KIAA1671: variants seen among roughly 807,000 people sequenced by gnomAD.
The protein encoded by KIAA1671 is KIAA1671, also known as uncharacterized protein KIAA1671.
KIAA1671 carries 52 observed loss-of-function variants against 131.2 expected under a neutral mutation model. That is an observed-to-expected ratio of 0.40 (90% CI 0.32 to 0.50). The LOEUF (loss-of-function observed/expected upper bound fraction) is 0.50. Ranked by LOEUF, KIAA1671 falls within the 20% of genes least tolerant of loss-of-function variation. The probability of loss-of-function intolerance (pLI) is 0.73; values close to 1 mark genes in which losing one functional copy is unlikely to be tolerated. For missense variants in KIAA1671, 2,360 were observed against 2,364.2 expected, an observed-to-expected ratio of 1.00 and a Z score of 0.04; for synonymous variants, 1,003 against 961.6, an observed-to-expected ratio of 1.04 and a Z score of -0.80.
chr22:25,197,153 C>T lies in KIAA1671; in HGVS notation c.*4752C>T, dbSNP rs148774444. Reference sequence around the variant, plus strand: ...CTAGGAGTTCTGAACGGAAGGCAGACGAGAGGCACTTTATCCAGTCCCAGA... The same window carrying T: ...CTAGGAGTTCTGAACGGAAGGCAGATGAGAGGCACTTTATCCAGTCCCAGA... On this transcript the variant is annotated 3_prime_UTR_variant, in exon 13 of 13. Coordinates refer to ENST00000358431, the MANE Select transcript of KIAA1671 (RefSeq NM_001145206.2). 4.6e-5 allele frequency: 7 copies of T among 152,132 alleles called. No individual in the cohort carries two copies. The highest frequency in any genetic ancestry group is 9.7e-5 in the African/African-American group (4 of 41,422). The allele number at this position is 152,132 out of a possible 1,614,324, so 9.4% of individuals were successfully genotyped here.
chr22:24,972,420 TCATC>T (rs905997311), intron 1 of KIAA1671, among the ~76,000 whole-genome samples: 8 of 152,176 alleles, frequency 5.3e-5, no homozygotes, highest in Non-Finnish European at 1.0e-4. Flanking sequence ...CATTTTGTAT[TCATC>T]CATCCACCTA....
chr22:25,154,636 A>G (rs1038671278), intron 6 of KIAA1671, among the ~76,000 whole-genome samples: 2 of 152,230 alleles, frequency 1.3e-5, no homozygotes, highest in Admixed American at 6.5e-5. Flanking sequence ...GCTCTGTCTC[A>G]GGCAATGGAA....
chr22:25,000,212 G>A (rs1289916367), intron 1 of KIAA1671, among the ~76,000 whole-genome samples: 6 of 2,198 alleles, frequency 2.7e-3, no homozygotes, highest in African/African-American at 0.018. Context: ...TTTTTTTTTT[G>A]AGACGGAGTC....
intron 6 of KIAA1671, among the ~76,000 whole-genome samples, chr22:25,119,516 C>T (rs1423543569): frequency 6.6e-6 from 1 of 152,224 alleles, no homozygotes; most frequent in Non-Finnish European, 1.5e-5. Flanking sequence ...AGAAAACAGG[C>T]AGGGTCTTTG....
intron 1 of KIAA1671, among the ~76,000 whole-genome samples, chr22:25,000,050 A>C (rs1924358012): frequency 6.6e-6 from 1 of 151,294 alleles, no homozygotes; most frequent in Admixed American, 6.6e-5. Flanking sequence ...ACGCCCAGCT[A>C]ATTTTTTGTA....
At chr22:25,007,202 T>C (rs1212657055) in intron 1 of KIAA1671, among the ~76,000 whole-genome samples, 2 of 152,144 alleles carry the variant, frequency 1.3e-5, no homozygotes, top group East Asian at 1.9e-4. Context: ...GGTCTGCTAG[T>C]GTTAGCCAGG....
At chr22:25,139,908 A>G (rs971161262) in intron 6 of KIAA1671, among the ~76,000 whole-genome samples, 3 of 152,228 alleles carry the variant, frequency 2.0e-5, no homozygotes, top group Admixed American at 1.3e-4. Context: ...TACTTTAGAA[A>G]GCACATGGAG....
intron 10 of KIAA1671, 115 bp from the exon 11 acceptor site, chr22:25,184,862 G>A (rs748616794): frequency 1.5e-4 from 180 of 1,201,166 alleles, no homozygotes; most frequent in African/African-American, 3.9e-4. Context: ...GGTTTATTCC[G>A]ATTCAGGGGG....
intron 6 of KIAA1671, among the ~76,000 whole-genome samples, chr22:25,075,159 A>G (rs1156522502): frequency 1.3e-5 from 2 of 152,164 alleles, no homozygotes; most frequent in Non-Finnish European, 2.9e-5. Flanking sequence ...TGCAAGGGAC[A>G]TTTGGCAATG....
At chr22:25,046,976 T>G (rs1388012988) in intron 5 of KIAA1671, among the ~76,000 whole-genome samples, 1 of 150,824 alleles carries the variant, frequency 6.6e-6, no homozygotes, top group Admixed American at 6.6e-5. Context: ...TGAGAGTTTT[T>G]TTTTTTTTTT....
At chr22:25,156,285 A>G (rs899732576) in intron 6 of KIAA1671, among the ~76,000 whole-genome samples, 5 of 151,744 alleles carry the variant, frequency 3.3e-5, no homozygotes, top group African/African-American at 1.2e-4. Flanking sequence ...TCGGCTTCCC[A>G]AAGTGCTGGG....
At chr22:25,087,174 C>T (rs556450043) in intron 6 of KIAA1671, among the ~76,000 whole-genome samples, 38 of 135,608 alleles carry the variant, frequency 2.8e-4, no homozygotes, top group African/African-American at 8.8e-4. Context: ...CCGCTGCCTC[C>T]GGGATCTTAT....
Position 25,041,359 on chromosome 22 carries a change from C to G in KIAA1671, c.4229C>G (p.Ser1410Ter). ...RVPLDIKRAY[S>*]EKGPPANIRE... ...CCGCTGGATATCAAGAGGGCCTACT[C>G]AGAGAAGGGGCCCCCTGCCAACATC... The change falls in exon 5 of 13, where the codon TCA (serine) becomes TGA (stop). Residue 1410 changes from serine (S) to a stop codon, truncating the protein, a stop_gained. Coordinates refer to ENST00000358431, the MANE Select transcript of KIAA1671 (RefSeq NM_001145206.2). LOFTEE classifies it high-confidence loss of function. 1 of 1,551,650 alleles carries G rather than the reference C, an allele frequency of 6.4e-7. No homozygotes were observed. The highest frequency in any genetic ancestry group is 1.4e-5 in the African/African-American group (1 of 73,140).
At chr22:25,179,386 G>A (rs1934179869) in intron 9 of KIAA1671, 6 of 1,608,798 alleles carry the variant, frequency 3.7e-6, no homozygotes, top group African/African-American at 1.3e-5. Context: ...AGCCGCTCGC[G>A]CAGTGCGGCC....
Position 25,144,423 on chromosome 22 carries a change from C to T in KIAA1671, c.4531-26397C>T, listed in dbSNP as rs114897671. On this transcript the variant is annotated intron_variant, in intron 6 of 12. Transcript: ENST00000358431. ...ATGCTCCTGTGATGGGGAATGTGAC[C>T]TCCTGGCTCCCAGCTCTCTGGGGGT... 5.2e-3 allele frequency among the ~76,000 whole-genome samples: 787 copies of T among 152,278 alleles called. 9 individuals are homozygous for T. Among genetic ancestry groups the T allele is most frequent in the African/African-American group, 0.018 (742 of 41,558 alleles).
intron 1 of KIAA1671, among the ~76,000 whole-genome samples, chr22:24,998,842 G>GTT (rs560129857): frequency 3.4e-5 from 5 of 145,498 alleles, no homozygotes; most frequent in African/African-American, 5.0e-5. Flanking sequence ...CTATCTGCAG[G>GTT]TTTTTTTTTT....
chr22:24,978,408 T>C (rs1319889741), intron 1 of KIAA1671, among the ~76,000 whole-genome samples: 2 of 152,186 alleles, frequency 1.3e-5, no homozygotes, highest in Admixed American at 6.5e-5. Context: ...CAATTAAACC[T>C]CTTTTTCTTC....
rs976191015 is a variant in KIAA1671 at position 25,041,197 on chromosome 22, C to T, written c.4067C>T (p.Pro1356Leu). 2.6e-6 allele frequency: 4 copies of T among 1,551,658 alleles called. No individual in the cohort carries two copies. The East Asian group carries it at 9.8e-5, about 38-fold the overall frequency. Residue 1356 changes from proline to leucine, a missense_variant, in exon 5 of 13, where the codon CCA (proline) becomes CTA (leucine). This residue lies in a region of KIAA1671 where 1,161 missense variants were observed against 1,204.7 expected (regional missense o/e 0.96). Transcript: ENST00000358431. Reference protein sequence around the residue: ...AESKPSGREDPGSGVRVSPKS... With the variant: ...AESKPSGREDLGSGVRVSPKS... Reference sequence around the variant, plus strand: ...TCAAAGCCCTCTGGTCGGGAGGATCCAGGCAGTGGGGTCAGGGTGTCACCC... The same window carrying T: ...TCAAAGCCCTCTGGTCGGGAGGATCTAGGCAGTGGGGTCAGGGTGTCACCC...
chr22:25,103,449 C>T (rs942636653), intron 6 of KIAA1671, among the ~76,000 whole-genome samples: 4 of 152,248 alleles, frequency 2.6e-5, no homozygotes, highest in African/African-American at 9.6e-5. Flanking sequence ...AGCTCCGCCT[C>T]CTAGGTTCAC....
Sources: allele counts gnomAD v4.1 joint callset (sites outside exome capture counted in the v4.1 genomes callset), GRCh38; gene constraint gnomAD v4.1.1; regional missense constraint gnomAD v4.1.1; transcripts MANE v1.5; gene names NCBI Gene and HGNC (gene_info 2026-07-23, HGNC 2026-07-21).